Variants in LRRC8A observed in about 807,000 individuals in gnomAD.
The protein encoded by LRRC8A is volume-regulated anion channel subunit LRRC8A.
In LRRC8A, 24 loss-of-function variants were observed where a neutral mutation model predicts 52.5. The ratio of observed to expected loss-of-function variants is 0.46; its 90% CI spans 0.33 to 0.64. LRRC8A has a LOEUF of 0.64. Ranked by LOEUF, LRRC8A falls within the 30% of genes least tolerant of loss-of-function variation. The pLI is 0.02. For missense variants in LRRC8A, 677 were observed against 1,094.7 expected (o/e 0.62, Z 5.38); for synonymous variants, 492 against 494.2 (o/e 1.00, Z 0.06).
chr9:128,906,927 GA>G (rs1196609596), intron 2 of LRRC8A, among the ~76,000 whole-genome samples: 3 of 152,242 alleles, frequency 2.0e-5, no homozygotes, highest in Non-Finnish European at 4.4e-5. Flanking sequence ...ATTAAATGGG[GA>G]GCCTGCCTGC....
At chr9:128,883,685 G>A (rs1009768905) in intron 1 of LRRC8A, among the ~76,000 whole-genome samples, 2 of 152,074 alleles carry the variant, frequency 1.3e-5, no homozygotes, top group African/African-American at 4.8e-5. Flanking sequence ...ACAGAGCAGG[G>A]GGTGCAGGGC....
At chr9:128,889,296 A>G (rs1012603788) in intron 2 of LRRC8A, among the ~76,000 whole-genome samples, 2 of 152,108 alleles carry the variant, frequency 1.3e-5, no homozygotes, top group African/African-American at 4.8e-5. Context: ...GGTTGGCCCC[A>G]GGAATCTGAA....
Position 128,916,022 on chromosome 9 carries a change from G to A in LRRC8A, c.2158-74G>A, listed in dbSNP as rs1840798242. The A allele has an allele frequency of 1.3e-6, 2 of 1,499,266 alleles. No individual in the cohort carries two copies. The highest frequency in any genetic ancestry group is 3.9e-5 in the Admixed American group (2 of 50,658). 92.9% of individuals were successfully genotyped at this position (1,499,266 alleles called of 1,614,324 possible). A position where few individuals can be genotyped will look rare whatever the true frequency, so the allele number is the denominator to read the frequency against. ...AAAAGATGCTGAGATCTTGGGGAGA[G>A]AGGGAAGGGAAGCCCAGAGGCCCCG... is the stretch of plus-strand genomic sequence containing the variant. On this transcript the variant is annotated intron_variant, in intron 3 of 3. Coordinates refer to ENST00000372600, the MANE Select transcript of LRRC8A (RefSeq NM_019594.4). This position sits in a 1 kb window ranked among gnomAD's most constrained non-coding sequence, Gnocchi z 6.1.
At chr9:128,901,590 G>C (rs925023546) in intron 2 of LRRC8A, among the ~76,000 whole-genome samples, 1 of 152,150 alleles carries the variant, frequency 6.6e-6, no homozygotes. Context: ...GCAAGACCCC[G>C]TCCCATTTAA....
chr9:128,883,637 G>T (rs1263030131), intron 1 of LRRC8A, among the ~76,000 whole-genome samples: 2 of 152,194 alleles, frequency 1.3e-5, no homozygotes, highest in Non-Finnish European at 2.9e-5. Flanking sequence ...GCTTTGGCAT[G>T]GGGTCTGATG....
At chr9:128,894,299 C>T (rs757257352) in intron 2 of LRRC8A, among the ~76,000 whole-genome samples, 12 of 151,360 alleles carry the variant, frequency 7.9e-5, no homozygotes, top group East Asian at 2.0e-4. Flanking sequence ...CTGGTTAACA[C>T]GATGAAACCC....
chr9:128,912,507 G>GC (rs1375452803), intron 3 of LRRC8A, among the ~76,000 whole-genome samples: 3 of 145,182 alleles, frequency 2.1e-5, no homozygotes, highest in Non-Finnish European at 4.6e-5. Flanking sequence ...GGGGCTATGG[G>GC]GGGGGGTGTG....
At position 128,899,932 on chromosome 9, in the gene LRRC8A, A is replaced by G. The variant is rs928128933; in HGVS notation, c.-8-7225A>G. Among the ~76,000 whole-genome samples, 86 of 152,056 alleles carry G rather than the reference A, an allele frequency of 5.7e-4. No homozygotes were observed. The highest frequency in any genetic ancestry group is 2.1e-3 in the African/African-American group (85 of 41,330). Reference sequence around the variant, plus strand: ...ATGACAGTCTAAAAAAATTGAGGGGAAAAAATGGACCTGGAAACAATGGGG... The same window carrying G: ...ATGACAGTCTAAAAAAATTGAGGGGGAAAAATGGACCTGGAAACAATGGGG... On this transcript the variant is annotated intron_variant, in intron 2 of 3. Transcript: ENST00000372600. The surrounding 1 kb of genome is among the most constrained non-coding windows in gnomAD (Gnocchi z 4.0).
Position 128,907,842 on chromosome 9 carries a change from C to A in LRRC8A, c.678C>A (p.Arg226=), listed in dbSNP as rs1191944664. 2 of 1,614,066 alleles carry A rather than the reference C, an allele frequency of 1.2e-6. No individual in the cohort carries two copies. The highest frequency in any genetic ancestry group is 2.2e-5 in the South Asian group (2 of 91,076). The change falls in exon 3 of 4, where the codon CGC becomes CGA. Residue 226 remains arginine (R), a synonymous_variant. Transcript: ENST00000372600. The surrounding 1 kb of genome is among the most constrained non-coding windows in gnomAD (Gnocchi z 9.3). The part of the protein sequence containing the change: ...KSRIEQGIVD[R]SETGVLDKKE... ...GGATCGAGCAGGGTATCGTGGACCG[C>A]TCAGAGACGGGCGTGCTGGACAAGA...
intron 2 of LRRC8A, among the ~76,000 whole-genome samples, chr9:128,901,923 C>T (rs554608301): frequency 1.4e-3 from 210 of 152,334 alleles, no homozygotes; most frequent in African/African-American, 4.9e-3. Context: ...TGATCTCCCC[C>T]GAAGCCCCAT....
Position 128,909,111 on chromosome 9 carries a change from C to T in LRRC8A, c.1947C>T (p.Asn649=), listed in dbSNP as rs1564529023. 2 of 1,614,138 alleles carry T rather than the reference C, an allele frequency of 1.2e-6. No individual in the cohort carries two copies. The highest frequency in any genetic ancestry group is 1.7e-6 in the Non-Finnish European group (2 of 1,180,034). ...HRLTCLKLWY[N]HIAYIPIQIG... is the part of the protein sequence containing the mutation. Reference sequence around the variant, plus strand: ...TCACCTGCCTTAAGCTGTGGTACAACCACATCGCCTACATCCCCATCCAGA... The same window carrying T: ...TCACCTGCCTTAAGCTGTGGTACAATCACATCGCCTACATCCCCATCCAGA... Residue 649 remains asparagine, a synonymous_variant, in exon 3 of 4, where the codon AAC becomes AAT. Transcript: ENST00000372600.
Position 128,907,340 on chromosome 9 carries a change from G to A in LRRC8A, c.176G>A (p.Trp59Ter). 6.2e-7 allele frequency: 1 copy of A among 1,613,844 alleles called. No homozygotes were observed. Residue 59 changes from tryptophan (W) to a stop codon, truncating the protein, a stop_gained, in exon 3 of 4, where the codon TGG (tryptophan) becomes TAG (stop). Transcript: ENST00000372600. LOFTEE classifies it high-confidence loss of function. This position sits in a 1 kb window ranked among gnomAD's most constrained non-coding sequence, Gnocchi z 9.3. Reference sequence around the variant, plus strand: ...AAGATGATCTGCCTGCCTTGTAAGTGGGTCACCAAGGACTCCTGCAATGAT... The same window carrying A: ...AAGATGATCTGCCTGCCTTGTAAGTAGGTCACCAAGGACTCCTGCAATGAT... ...QDKMICLPCK[W>*]VTKDSCNDSF...
At chr9:128,886,405 C>T (rs971298807) in intron 2 of LRRC8A, among the ~76,000 whole-genome samples, 5 of 152,250 alleles carry the variant, frequency 3.3e-5, no homozygotes, top group African/African-American at 4.8e-5. Flanking sequence ...AATGCAGCCT[C>T]ATGACCACAT....
Position 128,885,749 on chromosome 9 carries a change from A to C in LRRC8A, c.-115-266A>C, listed in dbSNP as rs536468619. Reference sequence around the variant, plus strand: ...ATGGGGAAACGCTGTCTCTACTAAAAATACAAAAAATTAGCCAGGCTTGGT... The same window carrying C: ...ATGGGGAAACGCTGTCTCTACTAAACATACAAAAAATTAGCCAGGCTTGGT... On this transcript the variant is annotated intron_variant, in intron 1 of 3. Transcript: ENST00000372600. Among the ~76,000 whole-genome samples the C allele has an allele frequency of 2.0e-4, 31 of 152,292 alleles. 4 individuals are homozygous for C. The South Asian group carries it at 6.4e-3, about 32-fold the overall frequency.
At chr9:128,885,687 C>T (rs935970610) in intron 1 of LRRC8A, among the ~76,000 whole-genome samples, 2 of 152,124 alleles carry the variant, frequency 1.3e-5, no homozygotes, top group Non-Finnish European at 2.9e-5. Context: ...GCGGGCAGAT[C>T]CCTGGAGGTT....
chr9:128,909,352 G>A (rs373508598), intron 3 of LRRC8A, 31 bp downstream of exon 3: 8 of 1,600,278 alleles, frequency 5.0e-6, no homozygotes, highest in Non-Finnish European at 6.8e-6. Flanking sequence ...TCTGCGTGTG[G>A]GCTGGCGGGT....
At chr9:128,909,450 GT>G in intron 3 of LRRC8A, 129 bp downstream of exon 3, 1 of 889,900 alleles carries the variant, frequency 1.1e-6, no homozygotes, top group Non-Finnish European at 1.7e-6. Context: ...CTCACCTGGG[GT>G]TTACAGAACC....
At chr9:128,888,024 C>T (rs915983651) in intron 2 of LRRC8A, among the ~76,000 whole-genome samples, 4 of 152,102 alleles carry the variant, frequency 2.6e-5, no homozygotes, top group African/African-American at 9.7e-5. Context: ...CCCCCCTGGC[C>T]CCTCCCCCTC....
At chr9:128,903,780 A>C (rs1320850346) in intron 2 of LRRC8A, among the ~76,000 whole-genome samples, 3 of 151,760 alleles carry the variant, frequency 2.0e-5, no homozygotes, top group East Asian at 2.0e-4. Context: ...GTAATCCCAG[A>C]ACTTTGGGAG....
Sources: gnomAD v4.1 joint callset for allele counts (sites outside exome capture counted in the v4.1 genomes callset) on GRCh38, gnomAD v4.1.1 for gene constraint, Gnocchi (gnomAD v3.1) non-coding constraint, MANE v1.5 for transcripts, NCBI Gene and HGNC (gene_info 2026-07-23, HGNC 2026-07-21) for gene names.